CDH11: variants seen among roughly 807,000 people sequenced by gnomAD.
CDH11 encodes the protein cadherin-11.
A neutral mutation model predicts 67.8 loss-of-function variants in CDH11; 11 were observed. That is an observed-to-expected ratio of 0.16 (90% CI 0.10 to 0.27). The LOEUF is 0.27. Ranked by LOEUF, CDH11 falls within the 10% of genes least tolerant of loss-of-function variation. The probability of loss-of-function intolerance (pLI) is 1.00; values close to 1 mark genes in which losing one functional copy is unlikely to be tolerated. For synonymous variants in CDH11, 419 were observed against 400.0 expected (o/e 1.05, Z -0.57); for missense variants, 847 against 1,031.2 (o/e 0.82, Z 2.45).
intron 1 of CDH11, among the ~76,000 whole-genome samples, chr16:65,068,545 TTAA>T (rs2074360471): frequency 6.6e-6 from 1 of 151,976 alleles, no homozygotes; most frequent in South Asian, 2.1e-4. Context: ...GCAAACACAG[TTAA>T]TGAAAGCTCT....
intron 5 of CDH11, among the ~76,000 whole-genome samples, chr16:64,992,398 A>T (rs2142493932): frequency 6.6e-6 from 1 of 152,352 alleles, no homozygotes; most frequent in South Asian, 2.1e-4. Context: ...TTAATTTTTA[A>T]AAGAGTGAAC....
At chr16:64,999,252 C>T (rs2072853234) in intron 3 of CDH11, among the ~76,000 whole-genome samples, 1 of 151,904 alleles carries the variant, frequency 6.6e-6, no homozygotes, top group Non-Finnish European at 1.5e-5. Context: ...GCTCTGACTC[C>T]CATTCCTTCA....
intron 1 of CDH11, among the ~76,000 whole-genome samples, chr16:65,056,768 C>A (rs547851280): frequency 6.6e-6 from 1 of 152,298 alleles, no homozygotes; most frequent in East Asian, 1.9e-4. Flanking sequence ...AATAATGAAG[C>A]TGTGACTGGG....
intron 11 of CDH11, among the ~76,000 whole-genome samples, chr16:64,964,818 G>A: frequency 6.6e-6 from 1 of 152,064 alleles, no homozygotes; most frequent in South Asian, 2.1e-4. Context: ...AGAGTGCTGG[G>A]ATTACAGGCT....
intron 11 of CDH11, among the ~76,000 whole-genome samples, chr16:64,953,278 A>G (rs1026097395): frequency 1.3e-4 from 19 of 146,190 alleles, no homozygotes; most frequent in Admixed American, 6.3e-4. Context: ...AGATATATAT[A>G]TATGTATGTA....
chr16:64,995,730 T>C (rs1007367496), intron 4 of CDH11, among the ~76,000 whole-genome samples: 1 of 151,810 alleles, frequency 6.6e-6, no homozygotes, highest in Non-Finnish European at 1.5e-5. Flanking sequence ...GCAACAAAAA[T>C]AAAAATTGAC....
intron 1 of CDH11, among the ~76,000 whole-genome samples, chr16:65,101,660 T>G (rs545513455): frequency 4.6e-5 from 7 of 152,330 alleles, no homozygotes; most frequent in Non-Finnish European, 1.5e-5. Context: ...TCAGCCAAGA[T>G]GATGACTATC....
chr16:64,983,846 A>C (rs2142466402), intron 7 of CDH11, among the ~76,000 whole-genome samples: 1 of 152,340 alleles, frequency 6.6e-6, no homozygotes, highest in African/African-American at 2.4e-5. Flanking sequence ...AAACACTGGA[A>C]TATGATAGTT....
chr16:64,948,915 G>A (rs2071272915), intron 12 of CDH11: 6 of 671,072 alleles, frequency 8.9e-6, no homozygotes, highest in Non-Finnish European at 1.5e-5. Flanking sequence ...CACCCAGCAA[G>A]GCTGAAGAAA....
chr16:65,053,784 G>C lies in CDH11; in HGVS notation c.-173+20C>G, dbSNP rs1278067056. 2.2e-6 allele frequency: 1 copy of C among 455,910 alleles called. No individual in the cohort carries two copies. Among genetic ancestry groups the C allele is most frequent in the South Asian group, 1.5e-5 (1 of 64,536 alleles). 28.2% of individuals were successfully genotyped at this position (455,910 alleles called of 1,614,324 possible). A position where few individuals can be genotyped will look rare whatever the true frequency, so the allele number is the denominator to read the frequency against. On this transcript the variant is annotated intron_variant, in intron 2 of 12. Transcript: ENST00000268603. Reference sequence around the variant, plus strand: ...TACATAGTAATATGTGAATTGTTCAGTAATATTAGTCCAACTTACCTTCTT... The same window carrying C: ...TACATAGTAATATGTGAATTGTTCACTAATATTAGTCCAACTTACCTTCTT...
chr16:65,121,963 G>C lies in CDH11; in HGVS notation c.-381C>G, dbSNP rs1462023255. 9 of 701,608 alleles carry C rather than the reference G, an allele frequency of 1.3e-5. No homozygotes were observed. Among genetic ancestry groups the C allele is most frequent in the Non-Finnish European group, 2.1e-5 (8 of 384,512 alleles). The allele number at this position is 701,608 out of a possible 1,614,324, so 43.5% of individuals were successfully genotyped here. On this transcript the variant is annotated 5_prime_UTR_variant, in exon 1 of 13. Transcript: ENST00000268603. This position sits in a 1 kb window ranked among gnomAD's most constrained non-coding sequence, Gnocchi z 4.1. The stretch of plus-strand genomic sequence containing the variant: ...CGCTGCGGTGTCAGTCCCGGCCCCA[G>C]TCCCGGTCCCATTCACAAGTCAGCG...
At chr16:65,011,042 T>C (rs1167287171) in intron 2 of CDH11, among the ~76,000 whole-genome samples, 2 of 146,200 alleles carry the variant, frequency 1.4e-5, no homozygotes, top group Non-Finnish European at 3.0e-5. Context: ...CATATGTATA[T>C]GTATATATGT....
At chr16:65,084,338 C>T (rs1294744936) in intron 1 of CDH11, among the ~76,000 whole-genome samples, 2 of 151,992 alleles carry the variant, frequency 1.3e-5, no homozygotes, top group African/African-American at 4.8e-5. Flanking sequence ...TGCCTGTAGT[C>T]CTAGCTACTT....
chr16:65,029,791 A>G (rs2073606824), intron 2 of CDH11, among the ~76,000 whole-genome samples: 1 of 152,144 alleles, frequency 6.6e-6, no homozygotes, highest in African/African-American at 2.4e-5. Flanking sequence ...TACCTTTCCA[A>G]TGTCCTACAC....
At chr16:65,031,003 T>G (rs1735213240) in intron 2 of CDH11, among the ~76,000 whole-genome samples, 1 of 152,202 alleles carries the variant, frequency 6.6e-6, no homozygotes, top group Admixed American at 6.5e-5. Flanking sequence ...GATGAAAGGA[T>G]TAACTATGGT....
intron 1 of CDH11, among the ~76,000 whole-genome samples, chr16:65,071,708 C>T (rs948101631): frequency 6.6e-6 from 1 of 152,164 alleles, no homozygotes; most frequent in Non-Finnish European, 1.5e-5. Context: ...TCCTGACATG[C>T]GGATCAACAG....
chr16:64,975,135 T>C (rs572498397), intron 8 of CDH11, among the ~76,000 whole-genome samples: 4 of 152,334 alleles, frequency 2.6e-5, no homozygotes, highest in Admixed American at 1.3e-4. Flanking sequence ...CTAACTTTTA[T>C]GTTATCTGTG....
At chr16:65,036,124 T>C (rs1035594480) in intron 2 of CDH11, among the ~76,000 whole-genome samples, 8 of 152,164 alleles carry the variant, frequency 5.3e-5, no homozygotes, top group Non-Finnish European at 1.2e-4. Context: ...GTGTTTTTAA[T>C]TATGTTATTG....
Position 64,945,450 on chromosome 16 carries a change from A to G in CDH11, c.*2153T>C, listed in dbSNP as rs2071180369. 1 of 1,037,082 alleles carries G rather than the reference A, an allele frequency of 9.6e-7. No individual in the cohort carries two copies. 64.2% of individuals were successfully genotyped at this position (1,037,082 alleles called of 1,614,324 possible). A position where few individuals can be genotyped will look rare whatever the true frequency, so the allele number is the denominator to read the frequency against. On this transcript the variant is annotated 3_prime_UTR_variant, in exon 13 of 13. Transcript: ENST00000268603. Reference sequence around the variant, plus strand: ...ACATTCCTAGAGAAAAGGATCATCCATGGTGACAGGGTTACTTACAGCTGT... The same window carrying G: ...ACATTCCTAGAGAAAAGGATCATCCGTGGTGACAGGGTTACTTACAGCTGT...
Sources: allele counts gnomAD v4.1 joint callset (sites outside exome capture counted in the v4.1 genomes callset), GRCh38; gene constraint gnomAD v4.1.1; non-coding constraint Gnocchi (gnomAD v3.1); transcripts MANE v1.5; gene names NCBI Gene and HGNC (gene_info 2026-07-23, HGNC 2026-07-21).